The following CNTNAP2 variants were observed in gnomAD, a reference collection of about 807,000 sequenced individuals.
CNTNAP2 encodes contactin associated protein 2.
In CNTNAP2, 98 loss-of-function variants were observed where a neutral mutation model predicts 155.2. The ratio of observed to expected loss-of-function variants is 0.63; its 90% confidence interval spans 0.54 to 0.75. The LOEUF is 0.75. Among genes scored for constraint, CNTNAP2 ranks in the 30% least tolerant of loss-of-function variants. The probability of loss-of-function intolerance (pLI) is 0.00; values close to 1 mark genes in which losing one functional copy is unlikely to be tolerated. For synonymous variants in CNTNAP2, 651 were observed against 631.2 expected, an observed-to-expected ratio of 1.03 and a Z score of -0.47; for missense variants, 1,727 against 1,688.1, an observed-to-expected ratio of 1.02 and a Z score of -0.40.
At chr7:147,223,750 G>A (rs1313118356) in intron 8 of CNTNAP2, among the ~76,000 whole-genome samples, 1 of 152,032 alleles carries the variant, frequency 6.6e-6, no homozygotes, top group African/African-American at 2.4e-5. Context: ...AGACCATCCT[G>A]ACAAACATGG....
intron 20 of CNTNAP2, among the ~76,000 whole-genome samples, chr7:148,257,440 T>C (rs1250656349): frequency 2.6e-5 from 4 of 152,228 alleles, no homozygotes; most frequent in Non-Finnish European, 4.4e-5. Flanking sequence ...TGAGTATCTC[T>C]ATAAGTCGGC....
At chr7:148,246,591 G>GAGAC (rs56189967) in intron 20 of CNTNAP2, among the ~76,000 whole-genome samples, 35,011 of 151,908 alleles carry the variant, frequency 0.23, 4,110 homozygotes, top group Non-Finnish European at 0.24. Context: ...ATAAAACTAG[G>GAGAC]AGACCAGCCA....
rs555519308 is a variant in CNTNAP2 at position 146,279,639 on chromosome 7, A to G, written c.97+162666A>G. ...TAATTTGTTTAGAATTTCCACATGA[A>G]TAAGACATAAAAATAATAAGTATAA... On this transcript the variant is annotated intron_variant, in intron 1 of 23. Coordinates refer to ENST00000361727, the MANE Select transcript of CNTNAP2 (RefSeq NM_014141.6). Among the ~76,000 whole-genome samples, 308 of 152,198 alleles carry G rather than the reference A, an allele frequency of 2.0e-3. 3 individuals carry two copies. Among genetic ancestry groups the G allele is most frequent in the African/African-American group, 7.0e-3 (289 of 41,568 alleles).
At chr7:147,220,198 A>G (rs981843494) in intron 8 of CNTNAP2, among the ~76,000 whole-genome samples, 2 of 152,144 alleles carry the variant, frequency 1.3e-5, no homozygotes, top group Admixed American at 1.3e-4. Context: ...GTTATGGCCA[A>G]TAATTTTCTC....
chr7:147,919,037 G>A (rs1800212393), intron 14 of CNTNAP2, among the ~76,000 whole-genome samples: 1 of 152,142 alleles, frequency 6.6e-6, no homozygotes, highest in Admixed American at 6.5e-5. Context: ...TTTCCTGGCT[G>A]TGATCAGAAA....
At position 148,052,267 on chromosome 7, in the gene CNTNAP2, A is replaced by G. The variant is rs532157449; in HGVS notation, c.2384-65851A>G. 8.7e-4 allele frequency among the ~76,000 whole-genome samples: 133 copies of G among 152,164 alleles called. 1 individual carries two copies. Among genetic ancestry groups the G allele is most frequent in the African/African-American group, 3.0e-3 (126 of 41,542 alleles). ...CAAATTAAAAACTGAGAAACTGGAA[A>G]AATATTTGCAATACATTGATATAAA... is the stretch of plus-strand genomic sequence containing the variant. On this transcript the variant is annotated intron_variant, in intron 15 of 23. Coordinates refer to ENST00000361727, the MANE Select transcript of CNTNAP2 (RefSeq NM_014141.6).
intron 1 of CNTNAP2, among the ~76,000 whole-genome samples, chr7:146,246,778 G>A (rs1057235088): frequency 2.6e-5 from 4 of 152,190 alleles, no homozygotes; most frequent in Non-Finnish European, 4.4e-5. Flanking sequence ...GATGGGACTC[G>A]GCTTAGGAGG....
intron 15 of CNTNAP2, among the ~76,000 whole-genome samples, chr7:147,989,258 A>G (rs140929216): frequency 6.6e-6 from 1 of 152,332 alleles, no homozygotes; most frequent in Non-Finnish European, 1.5e-5. Context: ...GGTGAACAGC[A>G]CAGACTTTGG....
intron 11 of CNTNAP2, among the ~76,000 whole-genome samples, chr7:147,487,279 T>C (rs1040915708): frequency 6.6e-6 from 1 of 152,146 alleles, no homozygotes; most frequent in Admixed American, 6.6e-5. Context: ...AAGGTCAAAA[T>C]TGATACTAGA....
chr7:146,929,980 G>A (rs1396288913), intron 3 of CNTNAP2, among the ~76,000 whole-genome samples: 1 of 152,204 alleles, frequency 6.6e-6, no homozygotes, highest in Middle Eastern at 3.2e-3. Context: ...ACCTGACAGT[G>A]ATGGGGAGAA....
chr7:146,644,052 AG>A (rs985381646), intron 1 of CNTNAP2, among the ~76,000 whole-genome samples: 1 of 152,150 alleles, frequency 6.6e-6, no homozygotes, highest in Non-Finnish European at 1.5e-5. Flanking sequence ...CAGTTTAAGG[AG>A]ATTTTGGGCT....
chr7:147,786,142 T>G (rs905551618), intron 13 of CNTNAP2, among the ~76,000 whole-genome samples: 3 of 150,508 alleles, frequency 2.0e-5, no homozygotes, highest in Non-Finnish European at 4.4e-5. Context: ...ATACAAAAAT[T>G]AGCTGGCGCA....
At chr7:147,292,614 C>T (rs1805338962) in intron 8 of CNTNAP2, among the ~76,000 whole-genome samples, 1 of 152,128 alleles carries the variant, frequency 6.6e-6, no homozygotes, top group Non-Finnish European at 1.5e-5. Flanking sequence ...CAGGGTGGAA[C>T]TTTAAAAGCT....
chr7:146,263,191 C>T (rs895135222), intron 1 of CNTNAP2, among the ~76,000 whole-genome samples: 2 of 150,514 alleles, frequency 1.3e-5, no homozygotes, highest in African/African-American at 2.5e-5. Context: ...TGGTGACGTG[C>T]GCCTGTGATC....
chr7:147,483,603 C>G (rs919242400), intron 10 of CNTNAP2, among the ~76,000 whole-genome samples: 2 of 152,186 alleles, frequency 1.3e-5, no homozygotes, highest in African/African-American at 4.8e-5. Context: ...ATATAATGAG[C>G]TGATGTAAAT....
At chr7:147,104,478 G>T (rs1458082476) in intron 4 of CNTNAP2, among the ~76,000 whole-genome samples, 1 of 151,306 alleles carries the variant, frequency 6.6e-6, no homozygotes, top group Non-Finnish European at 1.5e-5. Flanking sequence ...TATTATCATT[G>T]GTTATTTCAG....
chr7:147,288,873 A>G (rs762030333), intron 8 of CNTNAP2, among the ~76,000 whole-genome samples: 3 of 152,152 alleles, frequency 2.0e-5, no homozygotes, highest in Non-Finnish European at 4.4e-5. Flanking sequence ...ACAAAATGTG[A>G]TGTGTTCCTT....
chr7:147,932,764 G>A (rs1010577881), intron 14 of CNTNAP2, among the ~76,000 whole-genome samples: 1 of 152,136 alleles, frequency 6.6e-6, no homozygotes, highest in African/African-American at 2.4e-5. Flanking sequence ...AATCAATACA[G>A]TGAAAAGGCA....
At chr7:147,797,444 T>C (rs1797915468) in intron 13 of CNTNAP2, among the ~76,000 whole-genome samples, 1 of 152,192 alleles carries the variant, frequency 6.6e-6, no homozygotes, top group East Asian at 1.9e-4. Context: ...TTAAGACTTG[T>C]ACTCAGTCAA....
Sources: gnomAD v4.1 joint callset for allele counts (sites outside exome capture counted in the v4.1 genomes callset) on GRCh38, gnomAD v4.1.1 for gene constraint, MANE v1.5 for transcripts, NCBI Gene and HGNC (gene_info 2026-07-23, HGNC 2026-07-21) for gene names.